NGLY1: variants seen among roughly 807,000 people sequenced by gnomAD.
The protein encoded by NGLY1 is N-glycanase 1.
NGLY1 carries 68 observed loss-of-function variants against 84.6 expected under a neutral mutation model. That is an observed-to-expected ratio of 0.80 (90% CI 0.66 to 0.98). The LOEUF (loss-of-function observed/expected upper bound fraction) is 0.98. Ranked by LOEUF, NGLY1 falls within the 50% of genes least tolerant of loss-of-function variation. The pLI is 0.00. For missense variants in NGLY1, 779 were observed against 770.2 expected (o/e 1.01, Z -0.14); for synonymous variants, 280 against 275.2 (o/e 1.02, Z -0.17).
At chr3:25,759,843 G>A (rs2125536144) in intron 3 of NGLY1, among the ~76,000 whole-genome samples, 1 of 151,768 alleles carries the variant, frequency 6.6e-6, no homozygotes, top group South Asian at 2.1e-4. Context: ...AAAGTACAAT[G>A]TGTATAATTT....
intron 2 of NGLY1, chr3:25,777,583 C>A (rs1281669129): frequency 3.9e-5 from 6 of 152,182 alleles, no homozygotes; most frequent in African/African-American, 1.4e-4. Context: ...GCCTGAAACA[C>A]TCTTACCTGA....
chr3:25,777,327 G>T (rs747971554), intron 2 of NGLY1, among the ~76,000 whole-genome samples: 1 of 142,484 alleles, frequency 7.0e-6, no homozygotes, highest in Non-Finnish European at 1.5e-5. Context: ...TCCAGGAGGC[G>T]AAGGTTGTGG....
intron 5 of NGLY1, among the ~76,000 whole-genome samples, chr3:25,739,216 T>A (rs1316113970): frequency 6.6e-6 from 1 of 152,224 alleles, no homozygotes; most frequent in African/African-American, 2.4e-5. Context: ...GCATTAAACA[T>A]GTTATGACTA....
At chr3:25,750,614 G>GT (rs778594626) in intron 4 of NGLY1, among the ~76,000 whole-genome samples, 3 of 151,896 alleles carry the variant, frequency 2.0e-5, no homozygotes, top group Non-Finnish European at 4.4e-5. Flanking sequence ...CTTAAAAATG[G>GT]GTAAGATGGT....
intron 8 of NGLY1, among the ~76,000 whole-genome samples, chr3:25,733,485 G>C (rs1000975982): frequency 6.7e-6 from 1 of 148,190 alleles, no homozygotes; most frequent in Admixed American, 6.7e-5. Flanking sequence ...GTGTGTGTGT[G>C]TGTGTGTGTG....
At chr3:25,786,556 A>G (rs141596679), upstream of NGLY1, among the ~76,000 whole-genome samples, 3 of 152,344 alleles carry the variant, frequency 2.0e-5, no homozygotes, top group East Asian at 1.9e-4. Flanking sequence ...GAATTAGAAT[A>G]TCTCCAACTT....
At chr3:25,756,117 T>C (rs1335434975) in intron 3 of NGLY1, among the ~76,000 whole-genome samples, 2 of 152,196 alleles carry the variant, frequency 1.3e-5, no homozygotes, top group Admixed American at 6.5e-5. Context: ...TTAGGAAACA[T>C]TTTTGGAAAG....
At position 25,776,513 on chromosome 3, in the gene NGLY1, T is replaced by C. The variant is rs149957334; in HGVS notation, c.246+2061A>G. Among the ~76,000 whole-genome samples, 593 of 152,326 alleles carry C rather than the reference T, an allele frequency of 3.9e-3. 4 individuals carry two copies. Among genetic ancestry groups the C allele is most frequent in the African/African-American group, 0.014 (566 of 41,570 alleles). On this transcript the variant is annotated intron_variant, in intron 2 of 11. Coordinates refer to ENST00000280700, the MANE Select transcript of NGLY1 (RefSeq NM_018297.4). ...TAATCAGATGACACCATAATTTATA[T>C]CCCCTGCCTAATCTCTCCTTTGGGG...
intron 10 of NGLY1, among the ~76,000 whole-genome samples, chr3:25,727,728 T>C (rs558387351): frequency 1.3e-5 from 2 of 152,180 alleles, no homozygotes. Context: ...AACAAATGAG[T>C]GTATAAGACA....
At chr3:25,783,987 C>T (rs548638296), upstream of NGLY1, 4 of 152,372 alleles carry the variant, frequency 2.6e-5, no homozygotes, top group African/African-American at 9.6e-5. The surrounding 1 kb of genome is among the most constrained non-coding windows in gnomAD (Gnocchi z 4.5). Context: ...ATTGATCCAG[C>T]TATTAAGGTG....
At chr3:25,750,172 C>A (rs1282316447) in intron 4 of NGLY1, among the ~76,000 whole-genome samples, 1 of 152,090 alleles carries the variant, frequency 6.6e-6, no homozygotes, top group African/African-American at 2.4e-5. Flanking sequence ...AGGGGAAACG[C>A]CAGATGCTTA....
intron 7 of NGLY1, 21 bp from the exon 8 acceptor site, chr3:25,734,003 C>T: frequency 6.2e-7 from 1 of 1,608,486 alleles, no homozygotes; most frequent in Non-Finnish European, 8.5e-7. Context: ...TAACAGAATA[C>T]AAATACTTAA....
chr3:25,762,909 G>A (rs1477306127), intron 3 of NGLY1, among the ~76,000 whole-genome samples: 20 of 152,050 alleles, frequency 1.3e-4, no homozygotes, highest in African/African-American at 4.6e-4. Flanking sequence ...AGCCAAGATC[G>A]TGCCATTGCA....
At position 25,764,116 on chromosome 3, in the gene NGLY1, G is replaced by C; in HGVS notation, c.442C>G (p.His148Asp). 6.2e-7 allele frequency: 1 copy of C among 1,614,186 alleles called. No homozygotes were observed. The highest frequency in any genetic ancestry group is 8.5e-7 in the Non-Finnish European group (1 of 1,180,030). The change falls in exon 3 of 12, where the codon CAC becomes GAC. Residue 148 changes from histidine to aspartate, a missense_variant. Transcript: ENST00000280700. ...PSSNPSGLNQ[H>D]TRNRQGQSSD... ...GACTGCCCTTGACGGTTCCTTGTGT[G>C]CTGGTTTAACCCACTGGGATTTGAA...
At chr3:25,760,677 T>G (rs574804599) in intron 3 of NGLY1, among the ~76,000 whole-genome samples, 16 of 152,050 alleles carry the variant, frequency 1.1e-4, no homozygotes, top group Non-Finnish European at 2.2e-4. Flanking sequence ...CTGACCAACA[T>G]GGAGAAACCC....
chr3:25,755,549 T>C (rs1268788027), intron 3 of NGLY1: 4 of 1,422,150 alleles, frequency 2.8e-6, no homozygotes, highest in Non-Finnish European at 4.0e-6. Flanking sequence ...ATGTTCCAAC[T>C]AATCCCTCAA....
Position 25,719,409 on chromosome 3 carries a change from T to C in NGLY1, c.*51A>G. 6.5e-7 allele frequency: 1 copy of C among 1,537,964 alleles called. No homozygotes were observed. On this transcript the variant is annotated 3_prime_UTR_variant, in exon 12 of 12. Transcript: ENST00000280700. Reference sequence around the variant, plus strand: ...CTAAGCATGCACTGAACCAACAGACTACTTCAGTAAGTCCTTGATTATTGC... The same window carrying C: ...CTAAGCATGCACTGAACCAACAGACCACTTCAGTAAGTCCTTGATTATTGC...
intron 1 of NGLY1, chr3:25,789,828 G>A: frequency 9.0e-6 from 14 of 1,551,320 alleles, no homozygotes; most frequent in Non-Finnish European, 1.2e-5. Flanking sequence ...CACTGCCAAA[G>A]AAAAATGCCT....
chr3:25,719,876 T>C, intron 11 of NGLY1, 138 bp downstream of exon 11: 1 of 716,256 alleles, frequency 1.4e-6, no homozygotes, highest in Non-Finnish European at 2.0e-6. Flanking sequence ...ACACAGGGTT[T>C]ATTAAATTTT....
Sources: allele counts gnomAD v4.1 joint callset (sites outside exome capture counted in the v4.1 genomes callset), GRCh38; gene constraint gnomAD v4.1.1; non-coding constraint Gnocchi (gnomAD v3.1); transcripts MANE v1.5; gene names NCBI Gene and HGNC (gene_info 2026-07-23, HGNC 2026-07-21).